The following CTDSPL2 variants were observed in gnomAD, a reference collection of about 807,000 sequenced individuals.
The protein encoded by CTDSPL2 is CTD small phosphatase like 2, also known as CTD small phosphatase-like protein 2.
CTDSPL2 carries 5 observed loss-of-function variants against 60.0 expected under a neutral mutation model. That is an observed-to-expected ratio of 0.08 (90% CI 0.04 to 0.18). The LOEUF (loss-of-function observed/expected upper bound fraction) is 0.18, where lower values mean the gene tolerates loss of function less well. CTDSPL2 is among the 10% of genes least tolerant of loss of function. The pLI, the probability that CTDSPL2 is intolerant of heterozygous loss-of-function variation, is 1.00. For synonymous variants in CTDSPL2, 186 were observed against 189.3 expected (o/e 0.98, Z 0.14); for missense variants, 370 against 548.8 (o/e 0.67, Z 3.26).
chr15:44,522,560 C>A (rs1425092686), intron 12 of CTDSPL2, among the ~76,000 whole-genome samples: 1 of 152,034 alleles, frequency 6.6e-6, no homozygotes, highest in African/African-American at 2.4e-5. Flanking sequence ...CGAGACCAGC[C>A]TGGCCAACAT....
At chr15:44,434,995 C>T (rs773883812) in intron 1 of CTDSPL2, among the ~76,000 whole-genome samples, 12 of 152,258 alleles carry the variant, frequency 7.9e-5, no homozygotes, top group East Asian at 1.9e-4. Flanking sequence ...GACACAGTGG[C>T]GCACGCCTGT....
intron 1 of CTDSPL2, among the ~76,000 whole-genome samples, chr15:44,452,318 C>G (rs1472006203): frequency 6.6e-6 from 1 of 151,982 alleles, no homozygotes; most frequent in Non-Finnish European, 1.5e-5. Context: ...TATTTTGTGT[C>G]TGCCATTGTT....
rs1444861738 is a variant in CTDSPL2, at chr15:44,527,100, T to G, written c.*2926T>G. On this transcript the variant is annotated 3_prime_UTR_variant, in exon 13 of 13. Transcript: ENST00000260327. ...TTGATGACAATTCGTAACCATAAAT[T>G]GTTTTATATTAGCTAGTATGTATAT... 1 of 152,586 alleles carries G rather than the reference T, an allele frequency of 6.6e-6. No individual in the cohort carries two copies. Among genetic ancestry groups the G allele is most frequent in the Non-Finnish European group, 1.5e-5 (1 of 68,000 alleles). 9.5% of individuals were successfully genotyped at this position (152,586 alleles called of 1,614,324 possible).
rs930171528 is a variant in CTDSPL2 at position 44,527,827 on chromosome 15, C to T, written c.*3653C>T. On this transcript the variant is annotated 3_prime_UTR_variant, in exon 13 of 13. Transcript: ENST00000260327. ...GCCAAAAGGCCTTAGGGTTGTCATT[C>T]ATTGACTTTCTTATTCCTCTCATGA... 3 of 152,174 alleles carry T rather than the reference C, an allele frequency of 2.0e-5. No individual in the cohort carries two copies. The highest frequency in any genetic ancestry group is 6.5e-5 in the Admixed American group (1 of 15,276). 9.4% of individuals were successfully genotyped at this position (152,174 alleles called of 1,614,324 possible). A position where few individuals can be genotyped will look rare whatever the true frequency, so the allele number is the denominator to read the frequency against.
At chr15:44,510,840 G>T (rs1198902393) in intron 8 of CTDSPL2, among the ~76,000 whole-genome samples, 1 of 152,194 alleles carries the variant, frequency 6.6e-6, no homozygotes, top group South Asian at 2.1e-4. Context: ...GTAGTCTCAA[G>T]AGTTAAACTC....
intron 1 of CTDSPL2, among the ~76,000 whole-genome samples, chr15:44,430,300 CTCTT>C (rs1358803933): frequency 1.3e-5 from 2 of 152,054 alleles, no homozygotes; most frequent in African/African-American, 2.4e-5. Context: ...ATGGGGGTCT[CTCTT>C]TGTGGCCCAG....
At chr15:44,486,011 A>G (rs1454194562) in intron 3 of CTDSPL2, among the ~76,000 whole-genome samples, 6 of 152,162 alleles carry the variant, frequency 3.9e-5, no homozygotes, top group Non-Finnish European at 8.8e-5. Flanking sequence ...GAAACTTAAA[A>G]TTATTTTCCC....
At chr15:44,431,719 T>TTTTG (rs899647465) in intron 1 of CTDSPL2, among the ~76,000 whole-genome samples, 5 of 135,856 alleles carry the variant, frequency 3.7e-5, no homozygotes, top group African/African-American at 1.5e-4. Context: ...TTTGTTTGTT[T>TTTTG]TTTTTTTTTT....
At position 44,527,310 on chromosome 15, in the gene CTDSPL2, T is replaced by C. The variant is rs1278064912; in HGVS notation, c.*3136T>C. On this transcript the variant is annotated 3_prime_UTR_variant, in exon 13 of 13. Transcript: ENST00000260327. ...TTCCAAGGGTTAACATAGAATGTTTTTTTTAAAAAATTATCTTTGGCCAAT... is the reference window on the plus strand; with the variant it reads ...TTCCAAGGGTTAACATAGAATGTTTCTTTTAAAAAATTATCTTTGGCCAAT... 6.6e-6 allele frequency: 1 copy of C among 152,578 alleles called. No homozygotes were observed. The highest frequency in any genetic ancestry group is 1.5e-5 in the Non-Finnish European group (1 of 67,988). 9.5% of individuals were successfully genotyped at this position (152,578 alleles called of 1,614,324 possible).
chr15:44,495,906 C>G (rs1226155046), intron 5 of CTDSPL2, among the ~76,000 whole-genome samples: 1 of 151,820 alleles, frequency 6.6e-6, no homozygotes, highest in Non-Finnish European at 1.5e-5. Context: ...GCACTCTAGC[C>G]TGGGCGACAG....
chr15:44,450,819 A>G (rs1234597769), intron 1 of CTDSPL2, among the ~76,000 whole-genome samples: 1 of 151,906 alleles, frequency 6.6e-6, no homozygotes, highest in Non-Finnish European at 1.5e-5. Flanking sequence ...GCTGGTCTCG[A>G]ACTCCTGACC....
chr15:44,455,219 T>TC (rs1413046745), intron 1 of CTDSPL2, among the ~76,000 whole-genome samples: 1 of 151,548 alleles, frequency 6.6e-6, no homozygotes. Context: ...GATTTGGCTC[T>TC]CTGTCTGTTA....
At chr15:44,450,832 A>G (rs1027102116) in intron 1 of CTDSPL2, among the ~76,000 whole-genome samples, 3 of 151,926 alleles carry the variant, frequency 2.0e-5, no homozygotes, top group Admixed American at 2.0e-4. Flanking sequence ...TCCTGACCTG[A>G]GATGATCTGC....
At chr15:44,454,938 A>G (rs566369815) in intron 1 of CTDSPL2, among the ~76,000 whole-genome samples, 57 of 152,256 alleles carry the variant, frequency 3.7e-4, no homozygotes, top group African/African-American at 1.4e-3. Flanking sequence ...ATGAACTTTA[A>G]AATAGTTTTT....
chr15:44,528,663 T>C lies in CTDSPL2; in HGVS notation c.*4489T>C, dbSNP rs2081905116. On this transcript the variant is annotated 3_prime_UTR_variant, in exon 13 of 13. Transcript: ENST00000260327. ...CTAGGACTTGGAATAGTTGACCATA[T>C]ACATAGCTAAAGGACATGTCCCTGA... 1 of 152,136 alleles carries C rather than the reference T, an allele frequency of 6.6e-6. No individual in the cohort carries two copies. The highest frequency in any genetic ancestry group is 2.1e-4 in the South Asian group (1 of 4,832). 9.4% of individuals were successfully genotyped at this position (152,136 alleles called of 1,614,324 possible). A position where few individuals can be genotyped will look rare whatever the true frequency, so the allele number is the denominator to read the frequency against.
chr15:44,512,250 A>C (rs528235055), intron 8 of CTDSPL2, among the ~76,000 whole-genome samples: 28 of 152,294 alleles, frequency 1.8e-4, no homozygotes, highest in African/African-American at 6.5e-4. Context: ...TGACGTTCAA[A>C]GGAAATGCTC....
intron 8 of CTDSPL2, chr15:44,502,077 T>C (rs964736309): frequency 7.3e-6 from 3 of 412,180 alleles, no homozygotes; most frequent in African/African-American, 6.2e-5. Flanking sequence ...CTTTAACCAC[T>C]GTACTATGAT....
At chr15:44,490,032 C>G (rs1215861691) in intron 4 of CTDSPL2, among the ~76,000 whole-genome samples, 1 of 152,038 alleles carries the variant, frequency 6.6e-6, no homozygotes, top group African/African-American at 2.4e-5. Context: ...AAGGAATGTT[C>G]TGTAAGGAAG....
chr15:44,523,548 G>T (rs2081824084), intron 12 of CTDSPL2, among the ~76,000 whole-genome samples: 2 of 152,210 alleles, frequency 1.3e-5, no homozygotes, highest in Admixed American at 6.5e-5. Context: ...TGAGGCTCCA[G>T]TGAACCAGGA....
Sources: allele counts gnomAD v4.1 joint callset (sites outside exome capture counted in the v4.1 genomes callset), GRCh38; gene constraint gnomAD v4.1.1; transcripts MANE v1.5; gene names NCBI Gene and HGNC (gene_info 2026-07-23, HGNC 2026-07-21).